The following OSBPL1A variants were observed in gnomAD, a reference collection of about 807,000 sequenced individuals.
OSBPL1A encodes the protein oxysterol binding protein like 1A.
In OSBPL1A, 80 loss-of-function variants were observed where a neutral mutation model predicts 137.1. The observed-to-expected ratio is 0.58, with a 90% confidence interval of 0.49 to 0.70. The LOEUF (loss-of-function observed/expected upper bound fraction) is 0.70, where lower values mean the gene tolerates loss of function less well. Among genes scored for constraint, OSBPL1A ranks in the 30% least tolerant of loss-of-function variants. The pLI, the probability that OSBPL1A is intolerant of heterozygous loss-of-function variation, is 0.00. For synonymous variants in OSBPL1A, 365 were observed against 389.7 expected, an observed-to-expected ratio of 0.94 and a Z score of 0.75; for missense variants, 970 against 1,129.4, an observed-to-expected ratio of 0.86 and a Z score of 2.02.
At chr18:24,186,898 T>C (rs188151881) in intron 18 of OSBPL1A, among the ~76,000 whole-genome samples, 91 of 63,030 alleles carry the variant, frequency 1.4e-3, no homozygotes, top group African/African-American at 5.5e-3. Context: ...AACAAGACTC[T>C]GTCTCAAAAA....
chr18:24,194,321 A>C (rs1466925593), intron 18 of OSBPL1A, among the ~76,000 whole-genome samples: 1 of 152,228 alleles, frequency 6.6e-6, no homozygotes, highest in Non-Finnish European at 1.5e-5. Context: ...ACGAGCTGGA[A>C]TCAATGTTAC....
chr18:24,286,211 T>G lies in OSBPL1A; in HGVS notation c.1175-5263A>C, dbSNP rs541484987. Among the ~76,000 whole-genome samples, 126 of 152,266 alleles carry G rather than the reference T, an allele frequency of 8.3e-4. 1 individual carries two copies. Among genetic ancestry groups the G allele is most frequent in the African/African-American group, 2.9e-3 (122 of 41,572 alleles). ...TATCAGATTGGAATTATATAAATGC[T>G]TCAATGAAAATCAGTACTCTCTTTT... On this transcript the variant is annotated intron_variant, in intron 14 of 27. Coordinates refer to ENST00000319481, the MANE Select transcript of OSBPL1A (RefSeq NM_080597.4).
At position 24,382,406 on chromosome 18, in the gene OSBPL1A, CAAA is replaced by C. The variant is rs58654443; in HGVS notation, c.-2-4874_-2-4872del. ...TGGGCAACAGAGTGAGACTCCGTCT[CAAA>C]AAAAAAAAAAAAAAAAAATTTGCTG... On this transcript the variant is annotated intron_variant, in intron 1 of 27. Coordinates refer to ENST00000319481, the MANE Select transcript of OSBPL1A (RefSeq NM_080597.4). Among the ~76,000 whole-genome samples, 565 of 74,486 alleles carry C rather than the reference CAAA, an allele frequency of 7.6e-3. 4 individuals are homozygous for C. Among genetic ancestry groups the C allele is most frequent in the African/African-American group, 0.028 (542 of 19,206 alleles). The allele number at this position is 74,486 out of a possible 152,430, so 48.9% of individuals were successfully genotyped here.
chr18:24,350,516 T>G (rs1440627927), intron 4 of OSBPL1A, among the ~76,000 whole-genome samples: 2 of 152,256 alleles, frequency 1.3e-5, no homozygotes, highest in East Asian at 3.9e-4. Context: ...GGCCTCAAAC[T>G]CCTGGCCTAA....
intron 18 of OSBPL1A, among the ~76,000 whole-genome samples, chr18:24,182,458 G>GAACAGTCCTGA (rs1222453258): frequency 1.3e-5 from 2 of 152,130 alleles, no homozygotes; most frequent in Non-Finnish European, 2.9e-5. Flanking sequence ...CTGGTTGCGT[G>GAACAGTCCTGA]GGCGGGTGAA....
chr18:24,326,972 A>G (rs2090992097), intron 7 of OSBPL1A, among the ~76,000 whole-genome samples: 1 of 152,200 alleles, frequency 6.6e-6, no homozygotes, highest in South Asian at 2.1e-4. Context: ...AAAATGTTCT[A>G]AAATAGGCCT....
Position 24,225,211 on chromosome 18 carries a change from A to T in OSBPL1A, c.1445-13T>A. 1 of 1,613,834 alleles carries T rather than the reference A, an allele frequency of 6.2e-7. No individual in the cohort carries two copies. The highest frequency in any genetic ancestry group is 1.3e-5 in the African/African-American group (1 of 75,046). ...TCGGACTCGGAATCTGTGGCAGAGC[A>T]GGTTCATAGTTAATGAATTGAACTT... is the stretch of plus-strand genomic sequence containing the variant. On this transcript the variant is annotated splice_polypyrimidine_tract_variant and intron_variant, in intron 16 of 27. Coordinates refer to ENST00000319481, the MANE Select transcript of OSBPL1A (RefSeq NM_080597.4).
intron 17 of OSBPL1A, among the ~76,000 whole-genome samples, chr18:24,215,367 A>C (rs368743977): frequency 5.3e-5 from 8 of 152,370 alleles, no homozygotes; most frequent in African/African-American, 1.9e-4. Context: ...CCAGACAATG[A>C]GAACATATCA....
chr18:24,211,416 C>T (rs1210116302), intron 17 of OSBPL1A, among the ~76,000 whole-genome samples: 4 of 152,066 alleles, frequency 2.6e-5, no homozygotes, highest in South Asian at 2.1e-4. Flanking sequence ...ATTCAATCTG[C>T]GATTTCTTAC....
chr18:24,270,356 T>C (rs776496157), intron 15 of OSBPL1A, among the ~76,000 whole-genome samples: 180 of 152,180 alleles, frequency 1.2e-3, no homozygotes, highest in Non-Finnish European at 1.0e-3. Flanking sequence ...TGCTTTAATA[T>C]GGAAAACCTA....
At chr18:24,233,893 T>A (rs1476713596) in intron 16 of OSBPL1A, among the ~76,000 whole-genome samples, 1 of 152,284 alleles carries the variant, frequency 6.6e-6, no homozygotes, top group African/African-American at 2.4e-5. Context: ...CCTCAAGTGA[T>A]CCACTCGCCT....
At chr18:24,218,738 G>A (rs756090212) in intron 17 of OSBPL1A, among the ~76,000 whole-genome samples, 1 of 152,068 alleles carries the variant, frequency 6.6e-6, no homozygotes, top group Non-Finnish European at 1.5e-5. Flanking sequence ...GAGCCACTGC[G>A]CCTGGCCCAA....
At chr18:24,249,608 C>T (rs147034711) in intron 15 of OSBPL1A, among the ~76,000 whole-genome samples, 6 of 152,302 alleles carry the variant, frequency 3.9e-5, no homozygotes, top group Non-Finnish European at 5.9e-5. Flanking sequence ...TTGCAGAGTA[C>T]ACCAACTGGG....
chr18:24,212,702 A>T (rs1377957161), intron 17 of OSBPL1A, among the ~76,000 whole-genome samples: 1 of 152,252 alleles, frequency 6.6e-6, no homozygotes, highest in Non-Finnish European at 1.5e-5. Flanking sequence ...TTCCACGGTC[A>T]TAAAAATACT....
chr18:24,181,092 G>T, intron 19 of OSBPL1A, 53 bp downstream of exon 19: 1 of 1,579,230 alleles, frequency 6.3e-7, no homozygotes, highest in Non-Finnish European at 8.6e-7. Context: ...GTTCGGGGCT[G>T]GGTTGGTAGC....
intron 13 of OSBPL1A, 122 bp downstream of exon 13, chr18:24,311,862 G>T: frequency 8.9e-7 from 1 of 1,124,672 alleles, no homozygotes; most frequent in Non-Finnish European, 1.3e-6. Context: ...GTGAAGAACA[G>T]TACTATTTCT....
intron 16 of OSBPL1A, among the ~76,000 whole-genome samples, chr18:24,230,893 G>C (rs1246581839): frequency 6.6e-6 from 1 of 152,044 alleles, no homozygotes; most frequent in African/African-American, 2.4e-5. Flanking sequence ...CTTATTTGTG[G>C]GTGTGTTTAC....
intron 16 of OSBPL1A, among the ~76,000 whole-genome samples, chr18:24,230,519 T>C (rs559353709): frequency 6.6e-6 from 1 of 152,324 alleles, no homozygotes; most frequent in South Asian, 2.1e-4. Context: ...GTTGGATGCA[T>C]GGACTATATT....
intron 7 of OSBPL1A, among the ~76,000 whole-genome samples, chr18:24,325,001 G>A (rs1023817120): frequency 1.4e-4 from 21 of 151,672 alleles, no homozygotes; most frequent in Non-Finnish European, 2.1e-4. Context: ...CAGGAGAATC[G>A]CTTGAAGCCA....
Sources: gnomAD v4.1 joint callset for allele counts (sites outside exome capture counted in the v4.1 genomes callset) on GRCh38, gnomAD v4.1.1 for gene constraint, MANE v1.5 for transcripts, NCBI Gene and HGNC (gene_info 2026-07-23, HGNC 2026-07-21) for gene names.